The following FSIP1 variants were observed in gnomAD, a reference collection of about 807,000 sequenced individuals.
The protein encoded by FSIP1 is fibrous sheath interacting protein 1, also known as fibrous sheath-interacting protein 1.
Under a neutral mutation model 60.9 loss-of-function variants are expected in FSIP1, and 65 were observed. The ratio of observed to expected loss-of-function variants is 1.07; its 90% CI spans 0.87 to 1.31. The LOEUF is 1.31. Among genes scored for constraint, FSIP1 ranks in the 40% most tolerant of loss-of-function variants. The pLI, the probability that FSIP1 is intolerant of heterozygous loss-of-function variation, is 0.00. For missense variants in FSIP1, 675 were observed against 665.5 expected (o/e 1.01, Z -0.16); for synonymous variants, 209 against 221.2 (o/e 0.94, Z 0.49).
At chr15:39,647,802 T>C (rs1319158721) in intron 10 of FSIP1, among the ~76,000 whole-genome samples, 2 of 152,186 alleles carry the variant, frequency 1.3e-5, no homozygotes, top group East Asian at 3.9e-4. Context: ...GTTTAAATGT[T>C]CTAACAAAAT....
At chr15:39,669,252 G>A (rs547336631) in intron 10 of FSIP1, among the ~76,000 whole-genome samples, 19 of 152,296 alleles carry the variant, frequency 1.2e-4, no homozygotes, top group Non-Finnish European at 2.8e-4. Flanking sequence ...TACACAGGCC[G>A]CCACTGACTA....
chr15:39,754,833 T>C (rs1393960221), intron 5 of FSIP1, among the ~76,000 whole-genome samples: 1 of 152,154 alleles, frequency 6.6e-6, no homozygotes, highest in African/African-American at 2.4e-5. Context: ...TGTCAGATTC[T>C]ACAGTGATGT....
At chr15:39,607,242 G>T (rs907859655) in intron 11 of FSIP1, among the ~76,000 whole-genome samples, 5 of 152,152 alleles carry the variant, frequency 3.3e-5, no homozygotes, top group Non-Finnish European at 5.9e-5. Context: ...ACATGGACAG[G>T]TCTCCACAGA....
chr15:39,658,553 A>G (rs753460586), intron 10 of FSIP1, among the ~76,000 whole-genome samples: 25 of 152,044 alleles, frequency 1.6e-4, no homozygotes, highest in Non-Finnish European at 3.4e-4. Flanking sequence ...ACTGGCCTAA[A>G]CAGACATGAT....
intron 10 of FSIP1, among the ~76,000 whole-genome samples, chr15:39,683,222 A>G: frequency 6.6e-6 from 1 of 152,140 alleles, no homozygotes; most frequent in East Asian, 1.9e-4. Context: ...GGAACTTCAA[A>G]ACTTGATACA....
rs141577003 is a variant in FSIP1, at chr15:39,667,909, T to C, written c.1188+45535A>G. ...TGTCTAGTAATGTAACTAGTGAAAGTTGAGGCTGGTGGGTGCTAGGCCACA... is the reference window on the plus strand; with the variant it reads ...TGTCTAGTAATGTAACTAGTGAAAGCTGAGGCTGGTGGGTGCTAGGCCACA... On this transcript the variant is annotated intron_variant, in intron 10 of 11. Transcript: ENST00000350221. 6.4e-3 allele frequency among the ~76,000 whole-genome samples: 982 copies of C among 152,306 alleles called. 10 individuals carry two copies. The highest frequency in any genetic ancestry group is 0.022 in the African/African-American group (925 of 41,564).
intron 10 of FSIP1, among the ~76,000 whole-genome samples, chr15:39,634,969 G>A (rs1892068064): frequency 3.4e-5 from 5 of 148,250 alleles, no homozygotes; most frequent in Admixed American, 2.0e-4. Context: ...TAAAAGCAAG[G>A]CAATGAAGTT....
intron 10 of FSIP1, among the ~76,000 whole-genome samples, chr15:39,657,301 T>C (rs988788728): frequency 3.6e-5 from 4 of 111,078 alleles, no homozygotes; most frequent in African/African-American, 1.4e-4. Flanking sequence ...ACTTCATGTC[T>C]TCAATTTGGA....
intron 10 of FSIP1, among the ~76,000 whole-genome samples, chr15:39,657,371 A>T (rs1246382560): frequency 6.6e-6 from 1 of 152,182 alleles, no homozygotes; most frequent in East Asian, 1.9e-4. Context: ...GACTTCACAC[A>T]CATCATATTT....
chr15:39,732,351 G>C (rs770600930), intron 8 of FSIP1, among the ~76,000 whole-genome samples: 3 of 152,192 alleles, frequency 2.0e-5, no homozygotes, highest in South Asian at 2.1e-4. Flanking sequence ...TGGGCATGGT[G>C]CCTCACGCCT....
intron 10 of FSIP1, among the ~76,000 whole-genome samples, chr15:39,667,316 A>G (rs1298803538): frequency 1.3e-5 from 2 of 152,228 alleles, no homozygotes; most frequent in Admixed American, 1.3e-4. Flanking sequence ...GCTTAAAAAA[A>G]GAATTTAAGT....
intron 9 of FSIP1, among the ~76,000 whole-genome samples, chr15:39,724,695 A>G (rs535586288): frequency 2.0e-5 from 3 of 152,340 alleles, no homozygotes; most frequent in African/African-American, 7.2e-5. Flanking sequence ...GGATGGCTAT[A>G]TCAGTGCCTC....
intron 2 of FSIP1, among the ~76,000 whole-genome samples, chr15:39,775,335 G>T: frequency 6.6e-6 from 1 of 151,056 alleles, no homozygotes; most frequent in South Asian, 2.1e-4. Context: ...GCAGAATCTA[G>T]TCTACAAACA....
intron 2 of FSIP1, among the ~76,000 whole-genome samples, chr15:39,771,994 A>G (rs1013177610): frequency 6.6e-6 from 1 of 152,202 alleles, no homozygotes; most frequent in Non-Finnish European, 1.5e-5. Context: ...TAAAGAATAT[A>G]CAAAACATAA....
chr15:39,694,582 C>T (rs2140510862), intron 10 of FSIP1, among the ~76,000 whole-genome samples: 1 of 152,226 alleles, frequency 6.6e-6, no homozygotes. Flanking sequence ...AGGTGGATCA[C>T]TTGAGGTAAG....
chr15:39,647,698 CT>C (rs200476688), intron 10 of FSIP1, among the ~76,000 whole-genome samples: 1 of 113,922 alleles, frequency 8.8e-6, no homozygotes, highest in Non-Finnish European at 1.7e-5. Context: ...AAAATTATCA[CT>C]TAATAGAATG....
chr15:39,754,726 A>C (rs536970747), intron 5 of FSIP1, among the ~76,000 whole-genome samples: 16 of 152,216 alleles, frequency 1.1e-4, no homozygotes, highest in African/African-American at 3.6e-4. Flanking sequence ...AGAAGGAATA[A>C]GTTTCAACAA....
At chr15:39,721,779 T>C (rs1895993672) in intron 9 of FSIP1, among the ~76,000 whole-genome samples, 2 of 152,222 alleles carry the variant, frequency 1.3e-5, no homozygotes, top group Admixed American at 6.5e-5. Flanking sequence ...AATTCGGTAA[T>C]TGTCAAGCAA....
chr15:39,679,267 C>T (rs752581197), intron 10 of FSIP1, among the ~76,000 whole-genome samples: 26 of 152,268 alleles, frequency 1.7e-4, no homozygotes, highest in Non-Finnish European at 3.2e-4. Flanking sequence ...ATAAGGAACC[C>T]TGAATATCTT....
Sources: allele counts gnomAD v4.1 joint callset (sites outside exome capture counted in the v4.1 genomes callset), GRCh38; gene constraint gnomAD v4.1.1; transcripts MANE v1.5; gene names NCBI Gene and HGNC (gene_info 2026-07-23, HGNC 2026-07-21).